Variants in POLR2F observed in about 807,000 individuals in gnomAD.
POLR2F encodes the protein DNA-directed RNA polymerases I, II, and III subunit RPABC2.
Under a neutral mutation model 22.7 loss-of-function variants are expected in POLR2F, and 12 were observed. The ratio of observed to expected loss-of-function variants is 0.53; its 90% CI spans 0.34 to 0.86. POLR2F has a LOEUF of 0.86. Among genes scored for constraint, POLR2F ranks in the 40% least tolerant of loss-of-function variants. The pLI is 0.02. For missense variants in POLR2F, 126 were observed against 171.5 expected (o/e 0.73, Z 1.48); for synonymous variants, 57 against 66.0 (o/e 0.86, Z 0.66).
intron 1 of POLR2F, among the ~76,000 whole-genome samples, chr22:37,996,050 G>A (rs1227313164): frequency 6.6e-6 from 1 of 151,796 alleles, no homozygotes; most frequent in Non-Finnish European, 1.5e-5. Flanking sequence ...AGGCTGTCCA[G>A]GGCCTCTCAC....
chr22:38,033,631 G>C (rs2085086931), intron 5 of POLR2F, among the ~76,000 whole-genome samples: 1 of 152,264 alleles, frequency 6.6e-6, no homozygotes, highest in Non-Finnish European at 1.5e-5. Context: ...TGGGGGATGG[G>C]ATCTGGCCCC....
chr22:37,985,985 C>G, upstream of POLR2F: 1 of 1,143,692 alleles, frequency 8.7e-7, no homozygotes, highest in Non-Finnish European at 1.2e-6. Context: ...CCCCAGTTTT[C>G]CTCGACGCCA....
chr22:38,006,217 TA>T (rs778244520), intron 1 of POLR2F, among the ~76,000 whole-genome samples: 37 of 149,410 alleles, frequency 2.5e-4, no homozygotes, highest in South Asian at 4.2e-4. Flanking sequence ...CTAAAAAAAT[TA>T]AAAAAAAAAT....
At chr22:38,015,608 G>T (rs2084909299) in intron 1 of POLR2F, among the ~76,000 whole-genome samples, 1 of 152,144 alleles carries the variant, frequency 6.6e-6, no homozygotes, top group African/African-American at 2.4e-5. Flanking sequence ...AGGAGCCCTG[G>T]GTTGGAATCC....
At chr22:37,982,310 C>T (rs1016676276), upstream of POLR2F, among the ~76,000 whole-genome samples, 2 of 152,136 alleles carry the variant, frequency 1.3e-5, no homozygotes, top group African/African-American at 4.8e-5. Flanking sequence ...GTCTCTTGGT[C>T]AGTCTAGCGA....
In POLR2F at chr22:37,963,332, G is replaced by A. The variant is rs577408538; in HGVS notation, c.222-3767G>A. Among the ~76,000 whole-genome samples, 6 of 150,598 alleles carry A rather than the reference G, an allele frequency of 4.0e-5. No individual in the cohort carries two copies. In the South Asian group the frequency reaches 1.3e-3, roughly 32 times the overall value. On this transcript the variant is annotated intron_variant, in intron 3 of 4. Transcript: ENST00000442738. Reference sequence around the variant, plus strand: ...TAGAGACAGTTTGGCTCTATCACCCGGGCTGGAGTGCAGTGGTGCTATCAT... The same window carrying A: ...TAGAGACAGTTTGGCTCTATCACCCAGGCTGGAGTGCAGTGGTGCTATCAT...
At chr22:37,970,976 T>G (rs1284040951), downstream of POLR2F, 3 of 273,320 alleles carry the variant, frequency 1.1e-5, no homozygotes, top group African/African-American at 2.2e-5. Flanking sequence ...TTTGGGGAGG[T>G]TGCTTGAAGA....
At chr22:38,041,435 C>A, downstream of POLR2F, 1 of 351,956 alleles carries the variant, frequency 2.8e-6, no homozygotes, top group Non-Finnish European at 5.3e-6. Context: ...GCGGAATGAG[C>A]TCATGGGGCA....
downstream of POLR2F, chr22:37,973,420 C>G: frequency 3.0e-6 from 3 of 993,682 alleles, no homozygotes; most frequent in Non-Finnish European, 4.4e-6. Context: ...ACCACCAGGC[C>G]TGAGGTGGGC....
chr22:37,990,898 G>A (rs1459336016), intron 1 of POLR2F, among the ~76,000 whole-genome samples: 2 of 152,228 alleles, frequency 1.3e-5, no homozygotes, highest in African/African-American at 2.4e-5. Context: ...GTGATGCCTC[G>A]TGATGCCTCA....
intron 1 of POLR2F, among the ~76,000 whole-genome samples, chr22:38,020,987 C>T (rs2084956404): frequency 6.6e-6 from 1 of 152,152 alleles, no homozygotes; most frequent in Admixed American, 6.5e-5. Context: ...GGCTCTTTTG[C>T]GGTTACTCCT....
intron 4 of POLR2F, 33 bp downstream of exon 4, chr22:37,967,203 A>G (rs770826178): frequency 6.2e-7 from 1 of 1,607,570 alleles, no homozygotes; most frequent in Non-Finnish European, 8.5e-7. Flanking sequence ...CACTTCTCCA[A>G]ATCTCTGGGA....
At chr22:37,965,252 C>T (rs1226558709) in intron 3 of POLR2F, among the ~76,000 whole-genome samples, 1 of 152,210 alleles carries the variant, frequency 6.6e-6, no homozygotes, top group Non-Finnish European at 1.5e-5. Context: ...GGTGATTCAC[C>T]TGTCTCAGCC....
Position 38,035,668 on chromosome 22 carries a change from G to A in POLR2F, c.453-5400G>A, listed in dbSNP as rs1407539554. ...CTCCAGGTGCTGCCTGACACCCGCA[G>A]GCACTTCATATGCATCTGCTTCATA... is the stretch of plus-strand genomic sequence containing the variant. On this transcript the variant is annotated intron_variant, in intron 5 of 5. Coordinates refer to the POLR2F transcript ENST00000407936. Among the ~76,000 whole-genome samples, 5 of 152,176 alleles carry A rather than the reference G, an allele frequency of 3.3e-5. No individual in the cohort carries two copies. In the East Asian group the frequency reaches 9.6e-4, roughly 29 times the overall value.
chr22:38,017,114 G>A lies in POLR2F; in HGVS notation c.121-8755G>A, dbSNP rs1217060089. Among the ~76,000 whole-genome samples the A allele has an allele frequency of 6.6e-6, 1 of 152,182 alleles. No homozygotes were observed. The highest frequency in any genetic ancestry group is 1.5e-5 in the Non-Finnish European group (1 of 68,024). On this transcript the variant is annotated intron_variant, in intron 1 of 2. Coordinates refer to the POLR2F transcript ENST00000333418. The surrounding 1 kb of genome is among the most constrained non-coding windows in gnomAD (Gnocchi z 4.1). ...GAGCGGGGCACGTGCCAGGGTCTGG[G>A]GTCTGCATCCTCATGTGCCCTGGGC...
At chr22:38,028,249 A>T (rs1321883731), downstream of POLR2F, among the ~76,000 whole-genome samples, 2 of 152,084 alleles carry the variant, frequency 1.3e-5, no homozygotes, top group African/African-American at 4.8e-5. Flanking sequence ...TTAGACAGAG[A>T]CACAGAGCCA....
At chr22:37,956,706 C>A in intron 1 of POLR2F, 67 bp from the exon 2 acceptor site, 1 of 1,249,742 alleles carries the variant, frequency 8.0e-7, no homozygotes, top group Non-Finnish European at 1.2e-6. Flanking sequence ...TGTGATCCAC[C>A]GTGCCTGGCC....
intron 1 of POLR2F, among the ~76,000 whole-genome samples, chr22:38,005,935 A>G (rs1227393194): frequency 6.6e-6 from 1 of 152,112 alleles, no homozygotes; most frequent in Non-Finnish European, 1.5e-5. Flanking sequence ...GTTTTTAAAA[A>G]CCTTGGGCCA....
Position 38,009,404 on chromosome 22 carries a change from A to G in POLR2F, c.121-16465A>G, listed in dbSNP as rs537879880. Among the ~76,000 whole-genome samples, 4 of 152,328 alleles carry G rather than the reference A, an allele frequency of 2.6e-5. No individual in the cohort carries two copies. In the East Asian group the frequency reaches 7.7e-4, roughly 29 times the overall value. On this transcript the variant is annotated intron_variant, in intron 1 of 2. Coordinates refer to the POLR2F transcript ENST00000333418. ...CAGAGGAGAGGCAATGGCGGGGGCCAGGGAGCTGGGGGTGGCCTGGCAGGC... is the reference window on the plus strand; with the variant it reads ...CAGAGGAGAGGCAATGGCGGGGGCCGGGGAGCTGGGGGTGGCCTGGCAGGC...
Sources: gnomAD v4.1 joint callset for allele counts (sites outside exome capture counted in the v4.1 genomes callset) on GRCh38, gnomAD v4.1.1 for gene constraint, Gnocchi (gnomAD v3.1) non-coding constraint, MANE v1.5 for transcripts, NCBI Gene and HGNC (gene_info 2026-07-23, HGNC 2026-07-21) for gene names.